PLXDC2: variants seen among roughly 807,000 people sequenced by gnomAD.
The protein encoded by PLXDC2 is plexin domain containing 2.
A neutral mutation model predicts 68.9 loss-of-function variants in PLXDC2; 40 were observed. The observed-to-expected ratio is 0.58, with a 90% CI of 0.45 to 0.76. The LOEUF is 0.76. PLXDC2 is among the 30% of genes least tolerant of loss of function. PLXDC2 has a pLI of 0.00. For missense variants in PLXDC2, 644 were observed against 661.9 expected, an observed-to-expected ratio of 0.97 and a Z score of 0.30; for synonymous variants, 243 against 234.2, an observed-to-expected ratio of 1.04 and a Z score of -0.34.
At chr10:20,123,751 C>T (rs370067932) in intron 4 of PLXDC2, among the ~76,000 whole-genome samples, 5 of 150,826 alleles carry the variant, frequency 3.3e-5, no homozygotes, top group African/African-American at 1.2e-4. Flanking sequence ...CACAGAGATA[C>T]GAGGTCAGGG....
chr10:19,974,346 G>A (rs1834413033), intron 1 of PLXDC2, among the ~76,000 whole-genome samples: 1 of 152,242 alleles, frequency 6.6e-6, no homozygotes, highest in Admixed American at 6.5e-5. Flanking sequence ...ACAACCAGCT[G>A]GTGGTTTCTG....
chr10:20,071,396 C>T (rs1388933751), intron 4 of PLXDC2: 3 of 152,148 alleles, frequency 2.0e-5, no homozygotes, highest in Non-Finnish European at 2.9e-5. Context: ...CTGTGGCTCC[C>T]GTAATTCCCA....
intron 1 of PLXDC2, among the ~76,000 whole-genome samples, chr10:19,962,089 C>A (rs1448968263): frequency 6.6e-6 from 1 of 152,050 alleles, no homozygotes; most frequent in African/African-American, 2.4e-5. Context: ...AGAAATAAAT[C>A]AGGGATTTTT....
chr10:19,970,727 G>C (rs1361996614), intron 1 of PLXDC2, among the ~76,000 whole-genome samples: 1 of 152,108 alleles, frequency 6.6e-6, no homozygotes. Context: ...GTAGCTCCCA[G>C]GTATACTGCC....
At chr10:19,937,011 G>A (rs1833736258) in intron 1 of PLXDC2, among the ~76,000 whole-genome samples, 1 of 152,122 alleles carries the variant, frequency 6.6e-6, no homozygotes, top group Admixed American at 6.5e-5. Flanking sequence ...GATGTTTGAT[G>A]TTCCTATTGA....
intron 1 of PLXDC2, among the ~76,000 whole-genome samples, chr10:19,947,707 C>CTTT (rs34439585): frequency 3.2e-4 from 39 of 120,952 alleles, no homozygotes; most frequent in African/African-American, 1.0e-3. Flanking sequence ...TTCTTTCTTT[C>CTTT]TTTTTTTTTT....
chr10:20,231,656 T>G (rs1302439039), intron 12 of PLXDC2, among the ~76,000 whole-genome samples: 1 of 151,950 alleles, frequency 6.6e-6, no homozygotes, highest in Non-Finnish European at 1.5e-5. Flanking sequence ...GCTTTTTTTT[T>G]GAAAATTTTA....
At chr10:19,959,709 C>T (rs1477559686) in intron 1 of PLXDC2, among the ~76,000 whole-genome samples, 1 of 152,150 alleles carries the variant, frequency 6.6e-6, no homozygotes, top group Non-Finnish European at 1.5e-5. Context: ...ATAAACTCCT[C>T]TCCTGGGAGT....
Position 19,907,626 on chromosome 10 carries a change from A to C in PLXDC2, c.112+90435A>C, listed in dbSNP as rs534999409. On this transcript the variant is annotated intron_variant, in intron 1 of 13. Transcript: ENST00000377252. ...TACCTTATTATATTAGCTTTCCTAA[A>C]TCTGTGGCTAAATCAGCAACATTGA... Among the ~76,000 whole-genome samples, 3 of 152,340 alleles carry C rather than the reference A, an allele frequency of 2.0e-5. No individual in the cohort carries two copies. In the East Asian group the frequency reaches 5.8e-4, roughly 29 times the overall value.
chr10:19,881,022 G>T (rs2131350546), intron 1 of PLXDC2, among the ~76,000 whole-genome samples: 1 of 152,268 alleles, frequency 6.6e-6, no homozygotes, highest in Admixed American at 6.5e-5. Flanking sequence ...TGAGCTCTGA[G>T]CCTGCCTACA....
chr10:20,130,509 C>T (rs1833852902), intron 4 of PLXDC2, among the ~76,000 whole-genome samples: 1 of 151,978 alleles, frequency 6.6e-6, no homozygotes, highest in Admixed American at 6.6e-5. Context: ...ATTAATTGCT[C>T]TGGCTAGAAC....
At chr10:19,970,225 A>T (rs1020386479) in intron 1 of PLXDC2, among the ~76,000 whole-genome samples, 5 of 152,202 alleles carry the variant, frequency 3.3e-5, no homozygotes, top group Admixed American at 3.3e-4. Context: ...TTATTAGTTT[A>T]TTCCGGTCAT....
chr10:19,965,357 T>G (rs1037969229), intron 1 of PLXDC2, among the ~76,000 whole-genome samples: 1 of 152,206 alleles, frequency 6.6e-6, no homozygotes, highest in Non-Finnish European at 1.5e-5. Context: ...ATAATTGCCA[T>G]GGACTATTGG....
intron 2 of PLXDC2, among the ~76,000 whole-genome samples, chr10:20,045,475 A>C (rs1000483160): frequency 1.3e-5 from 2 of 152,220 alleles, no homozygotes; most frequent in African/African-American, 2.4e-5. Flanking sequence ...TAGGGTCTTC[A>C]TTACATAAAA....
chr10:19,953,974 T>C (rs1834029935), intron 1 of PLXDC2, among the ~76,000 whole-genome samples: 1 of 152,160 alleles, frequency 6.6e-6, no homozygotes, highest in Non-Finnish European at 1.5e-5. Flanking sequence ...GGTGATAAAA[T>C]CGTGCATTTA....
intron 12 of PLXDC2, among the ~76,000 whole-genome samples, chr10:20,242,210 A>G (rs1485509130): frequency 1.3e-5 from 2 of 152,218 alleles, no homozygotes. Context: ...ATGCGATAAT[A>G]TAAGCATACA....
chr10:20,252,866 T>A (rs1206721548), intron 13 of PLXDC2, among the ~76,000 whole-genome samples: 2 of 152,200 alleles, frequency 1.3e-5, no homozygotes. Flanking sequence ...AAATGTTGCC[T>A]TTTTTAATTG....
rs540626395 is a variant in PLXDC2 at position 20,053,675 on chromosome 10, T to C, written c.471+6660T>C. On this transcript the variant is annotated intron_variant, in intron 3 of 13. Transcript: ENST00000377252. Reference sequence around the variant, plus strand: ...CCAGACATATTAGAATTATTTTGTCTTCTGAAATGACAGTTGATGACATTC... The same window carrying C: ...CCAGACATATTAGAATTATTTTGTCCTCTGAAATGACAGTTGATGACATTC... 2.6e-5 allele frequency among the ~76,000 whole-genome samples: 4 copies of C among 152,262 alleles called. No homozygotes were observed. The East Asian group carries it at 7.7e-4, about 29-fold the overall frequency.
intron 4 of PLXDC2, among the ~76,000 whole-genome samples, chr10:20,139,324 G>A (rs1833971338): frequency 6.6e-6 from 1 of 152,162 alleles, no homozygotes; most frequent in Admixed American, 6.5e-5. Flanking sequence ...TCTCTTACTT[G>A]ATTCTTTTAA....
Sources: gnomAD v4.1 joint callset for allele counts (sites outside exome capture counted in the v4.1 genomes callset) on GRCh38, gnomAD v4.1.1 for gene constraint, MANE v1.5 for transcripts, NCBI Gene and HGNC (gene_info 2026-07-23, HGNC 2026-07-21) for gene names.